Variants in MYO16 observed in about 807,000 individuals in gnomAD.
MYO16 encodes the protein unconventional myosin-XVI.
MYO16 carries 94 observed loss-of-function variants against 205.3 expected under a neutral mutation model. The ratio of observed to expected loss-of-function variants is 0.46; its 90% CI spans 0.39 to 0.54. MYO16 has a LOEUF of 0.54. Among genes scored for constraint, MYO16 ranks in the 20% least tolerant of loss-of-function variants. MYO16 has a pLI of 0.00. For missense variants in MYO16, 2,315 were observed against 2,387.5 expected (o/e 0.97, Z 0.63); for synonymous variants, 988 against 954.0 (o/e 1.04, Z -0.66).
At chr13:109,150,344 G>A (rs1039928863) in intron 32 of MYO16, among the ~76,000 whole-genome samples, 1 of 152,104 alleles carries the variant, frequency 6.6e-6, no homozygotes, top group African/African-American at 2.4e-5. Flanking sequence ...ATAAATATTT[G>A]TTGGGAAAAT....
At chr13:108,775,034 T>C (rs1886082632) in intron 4 of MYO16, among the ~76,000 whole-genome samples, 1 of 152,198 alleles carries the variant, frequency 6.6e-6, no homozygotes, top group South Asian at 2.1e-4. Context: ...TGGATATTTG[T>C]TTTATATTGA....
At chr13:108,825,006 A>G (rs1437735153) in intron 9 of MYO16, among the ~76,000 whole-genome samples, 1 of 152,132 alleles carries the variant, frequency 6.6e-6, no homozygotes, top group African/African-American at 2.4e-5. Flanking sequence ...AATCTGTCAC[A>G]AACACTTTCA....
chr13:109,035,760 C>CA (rs1566474261), intron 23 of MYO16, among the ~76,000 whole-genome samples: 2 of 152,192 alleles, frequency 1.3e-5, no homozygotes, highest in African/African-American at 2.4e-5. Context: ...GCTCCTTTCT[C>CA]ACCTGCCAGC....
chr13:109,016,468 G>A (rs1885821811), intron 22 of MYO16, among the ~76,000 whole-genome samples: 2 of 152,318 alleles, frequency 1.3e-5, no homozygotes, highest in South Asian at 4.1e-4. Context: ...TTCTGTAGAT[G>A]TCTATTAGTT....
intron 16 of MYO16, among the ~76,000 whole-genome samples, chr13:108,911,066 C>CACACACACACACACACACAG (rs59417999): frequency 1.1e-3 from 156 of 143,120 alleles, no homozygotes; most frequent in Non-Finnish European, 1.3e-3. Flanking sequence ...CACACACACA[C>CACACACACACACACACACAG]AGAGAGAGAG....
chr13:109,182,709 T>C (rs1879505760), intron 34 of MYO16, among the ~76,000 whole-genome samples: 1 of 152,222 alleles, frequency 6.6e-6, no homozygotes, highest in Admixed American at 6.5e-5. Flanking sequence ...GTTCTCAAAA[T>C]AGATGCAAAA....
At chr13:108,838,676 A>AT (rs1298886857) in intron 9 of MYO16, among the ~76,000 whole-genome samples, 2,984 of 110,478 alleles carry the variant, frequency 0.027, 98 homozygotes, top group African/African-American at 0.09. Context: ...AAAAAAAAAA[A>AT]AAATATATAT....
At chr13:108,941,118 T>A in intron 16 of MYO16, among the ~76,000 whole-genome samples, 1 of 150,216 alleles carries the variant, frequency 6.7e-6, no homozygotes, top group Non-Finnish European at 1.5e-5. Context: ...CAAAAACGAG[T>A]GAGACACAGG....
At chr13:109,165,438 C>T (rs545257354) in intron 33 of MYO16, among the ~76,000 whole-genome samples, 3 of 152,300 alleles carry the variant, frequency 2.0e-5, no homozygotes, top group African/African-American at 7.2e-5. Context: ...GCCAGACTGG[C>T]TTCAGGTATT....
chr13:108,811,703 G>A (rs196176), intron 7 of MYO16, among the ~76,000 whole-genome samples: 4,917 of 152,046 alleles, frequency 0.032, 256 homozygotes, highest in African/African-American at 0.11. Context: ...CCTACCCAGT[G>A]GACTGTGTCG....
At chr13:108,844,533 A>G in intron 10 of MYO16, 40 bp downstream of exon 10, 2 of 1,533,340 alleles carry the variant, frequency 1.3e-6, no homozygotes, top group Non-Finnish European at 1.8e-6. Flanking sequence ...GTACTTTTTC[A>G]TATCAAGTAA....
intron 2 of MYO16, among the ~76,000 whole-genome samples, chr13:108,705,151 A>G (rs1056160910): frequency 9.9e-5 from 15 of 152,226 alleles, no homozygotes; most frequent in African/African-American, 3.6e-4. Context: ...CATTCTGAAT[A>G]GCATAGTGAA....
chr13:108,829,421 G>T (rs1876475691), intron 9 of MYO16, among the ~76,000 whole-genome samples: 1 of 152,192 alleles, frequency 6.6e-6, no homozygotes, highest in Admixed American at 6.5e-5. Flanking sequence ...AAAAATAGTG[G>T]TAGGCCTTCC....
chr13:109,186,666 A>T (rs1171962115), intron 34 of MYO16, among the ~76,000 whole-genome samples: 1 of 152,156 alleles, frequency 6.6e-6, no homozygotes, highest in Non-Finnish European at 1.5e-5. Context: ...TTAGGTGCAA[A>T]CATGCCTCCT....
chr13:109,097,054 G>A (rs1414030519), intron 27 of MYO16, among the ~76,000 whole-genome samples: 2 of 152,176 alleles, frequency 1.3e-5, no homozygotes, highest in African/African-American at 2.4e-5. Context: ...TGTCAGCTGG[G>A]CACAGTGGCT....
the MYO16 span, among the ~76,000 whole-genome samples, chr13:108,524,469 T>C: frequency 6.6e-6 from 1 of 152,200 alleles, no homozygotes; most frequent in Admixed American, 6.6e-5. Flanking sequence ...GCTGAGCAGA[T>C]GCCAGCACCT....
In MYO16 at chr13:108,622,300, C is replaced by T. The variant is rs543967831; in HGVS notation, c.-39+26061C>T. On this transcript the variant is annotated intron_variant, in intron 1 of 24. Coordinates refer to the MYO16 transcript ENST00000251041. ...GGTTGGAATTGTACTTGTTGAGCAC[C>T]TAGCTTGTACAGAAGAACCCTGGGC... Among the ~76,000 whole-genome samples, 37 of 152,266 alleles carry T rather than the reference C, an allele frequency of 2.4e-4. 1 individual carries two copies. In the South Asian group the frequency reaches 7.7e-3, roughly 32 times the overall value.
chr13:108,687,679 GAACAAGGGCGAATGT>G (rs1882732179), intron 2 of MYO16, among the ~76,000 whole-genome samples: 1 of 152,142 alleles, frequency 6.6e-6, no homozygotes, highest in South Asian at 2.1e-4. Flanking sequence ...ATAGAAAAAT[GAACAAGGGCGAATGT>G]AAATTCCAAA....
chr13:108,974,895 A>G (rs1884195295), intron 20 of MYO16, among the ~76,000 whole-genome samples: 1 of 152,218 alleles, frequency 6.6e-6, no homozygotes, highest in Non-Finnish European at 1.5e-5. Flanking sequence ...AGGAGGGAAC[A>G]TCTTTCAGCT....
Sources: allele counts gnomAD v4.1 joint callset (sites outside exome capture counted in the v4.1 genomes callset), GRCh38; gene constraint gnomAD v4.1.1; transcripts MANE v1.5; gene names NCBI Gene and HGNC (gene_info 2026-07-23, HGNC 2026-07-21).